USP8: variants seen among roughly 807,000 people sequenced by gnomAD.
The protein encoded by USP8 is ubiquitin specific peptidase 8.
In USP8, 27 loss-of-function variants were observed where a neutral mutation model predicts 130.0. The ratio of observed to expected loss-of-function variants is 0.21; its 90% CI spans 0.15 to 0.29. USP8 has a LOEUF of 0.29. Among genes scored for constraint, USP8 ranks in the 10% least tolerant of loss-of-function variants. USP8 has a pLI of 1.00. For missense variants in USP8, 1,029 were observed against 1,312.2 expected (o/e 0.78, Z 3.33); for synonymous variants, 392 against 444.1 (o/e 0.88, Z 1.48).
intron 16 of USP8, 127 bp downstream of exon 16, chr15:50,494,407 A>G (rs1211724890): frequency 2.7e-6 from 2 of 735,074 alleles, no homozygotes; most frequent in Non-Finnish European, 4.2e-6. Flanking sequence ...TAGTGACTGT[A>G]TAAGAGAATT....
At chr15:50,489,334 A>G (rs1028438545) in intron 12 of USP8, among the ~76,000 whole-genome samples, 2 of 152,176 alleles carry the variant, frequency 1.3e-5, no homozygotes, top group Non-Finnish European at 1.5e-5. Context: ...TCTATTCTCT[A>G]CTTACACCTC....
chr15:50,460,729 C>T (rs749633318), intron 5 of USP8, among the ~76,000 whole-genome samples: 6 of 152,184 alleles, frequency 3.9e-5, no homozygotes, highest in Admixed American at 2.6e-4. Flanking sequence ...ACCTCCCTTC[C>T]TTTACCTCCT....
intron 7 of USP8, among the ~76,000 whole-genome samples, chr15:50,470,700 T>G (rs2051346329): frequency 6.6e-6 from 1 of 151,752 alleles, no homozygotes; most frequent in South Asian, 2.1e-4. Flanking sequence ...CCTCCCAGGT[T>G]CAAGCAATTC....
chr15:50,495,341 CATACATAT>C (rs1383474127), intron 16 of USP8, among the ~76,000 whole-genome samples: 95 of 85,544 alleles, frequency 1.1e-3, no homozygotes, highest in African/African-American at 4.9e-3. Flanking sequence ...TATATATACA[CATACATAT>C]ATACATATAT....
intron 1 of USP8, among the ~76,000 whole-genome samples, chr15:50,433,904 T>C (rs552737775): frequency 3.3e-5 from 5 of 152,352 alleles, no homozygotes; most frequent in African/African-American, 1.2e-4. Context: ...TGTGCACGGC[T>C]GCATTTTCTC....
At chr15:50,466,429 T>C (rs1290848689) in intron 7 of USP8, among the ~76,000 whole-genome samples, 2 of 151,922 alleles carry the variant, frequency 1.3e-5, no homozygotes, top group African/African-American at 4.8e-5. Flanking sequence ...TGAAACCCCA[T>C]CTTTACTAAA....
At chr15:50,496,624 G>A (rs2052422430) in intron 17 of USP8, among the ~76,000 whole-genome samples, 1 of 151,828 alleles carries the variant, frequency 6.6e-6, no homozygotes, top group South Asian at 2.1e-4. Flanking sequence ...TTTCAGGATT[G>A]TTAGTATGTT....
chr15:50,438,825 GA>G (rs1167512929), intron 1 of USP8, among the ~76,000 whole-genome samples, 183 bp from the exon 2 acceptor site: 3 of 151,820 alleles, frequency 2.0e-5, no homozygotes, highest in African/African-American at 7.3e-5. Context: ...ATGAAAATTT[GA>G]AAAAAATTAT....
intron 7 of USP8, among the ~76,000 whole-genome samples, chr15:50,471,070 C>G (rs941522193): frequency 6.6e-6 from 1 of 152,176 alleles, no homozygotes; most frequent in African/African-American, 2.4e-5. Context: ...GTCACTTAAT[C>G]TGTTCGTGCC....
At chr15:50,438,196 A>G (rs950519269) in intron 1 of USP8, among the ~76,000 whole-genome samples, 8 of 152,230 alleles carry the variant, frequency 5.3e-5, no homozygotes, top group African/African-American at 1.9e-4. Flanking sequence ...CCCCTGCTCC[A>G]AGTTGTACTT....
intron 8 of USP8, among the ~76,000 whole-genome samples, chr15:50,472,854 C>T (rs1213755833): frequency 6.6e-6 from 1 of 151,778 alleles, no homozygotes; most frequent in East Asian, 1.9e-4. Flanking sequence ...AGGTTGCGGT[C>T]AGCCAAGATC....
chr15:50,440,048 C>T (rs2050205656), intron 2 of USP8, among the ~76,000 whole-genome samples: 1 of 152,000 alleles, frequency 6.6e-6, no homozygotes, highest in South Asian at 2.1e-4. Context: ...CCGTTGCACT[C>T]CAGCCTGGGT....
chr15:50,428,753 C>G (rs1242538922), intron 1 of USP8, among the ~76,000 whole-genome samples: 2 of 152,148 alleles, frequency 1.3e-5, no homozygotes, highest in African/African-American at 4.8e-5. Flanking sequence ...TACCATAGAT[C>G]TTAGCAACCT....
chr15:50,425,819 A>G lies in USP8; in HGVS notation c.-66+1305A>G, dbSNP rs532566471. Among the ~76,000 whole-genome samples, 6 of 152,146 alleles carry G rather than the reference A, an allele frequency of 3.9e-5. No homozygotes were observed. The South Asian group carries it at 6.2e-4, about 16-fold the overall frequency. ...TACTTGGACTTTAATCTTTATGGGCATTTGTTTATTAATGTGGACGTGGCT... is the reference window on the plus strand; with the variant it reads ...TACTTGGACTTTAATCTTTATGGGCGTTTGTTTATTAATGTGGACGTGGCT... On this transcript the variant is annotated intron_variant, in intron 1 of 19. Transcript: ENST00000307179.
Position 50,500,358 on chromosome 15 carries a change from GAT to G in USP8, c.*1273_*1274del, listed in dbSNP as rs2052561263. On this transcript the variant is annotated 3_prime_UTR_variant, in exon 20 of 20. Coordinates refer to ENST00000307179, the MANE Select transcript of USP8 (RefSeq NM_005154.5). ...ATTTGTTGAATATATATGATTATGAGATATTTTCTGATAAACACTGAATTTTG... is the reference window on the plus strand; with the variant it reads ...ATTTGTTGAATATATATGATTATGAGATTTTCTGATAAACACTGAATTTTG... 1 of 158,232 alleles carries G rather than the reference GAT, an allele frequency of 6.3e-6. No homozygotes were observed. The highest frequency in any genetic ancestry group is 1.4e-5 in the Non-Finnish European group (1 of 71,446). The allele number at this position is 158,232 out of a possible 1,614,324, so 9.8% of individuals were successfully genotyped here.
At chr15:50,477,989 C>T (rs2141299868) in intron 10 of USP8, among the ~76,000 whole-genome samples, 1 of 152,276 alleles carries the variant, frequency 6.6e-6, no homozygotes, top group East Asian at 1.9e-4. Context: ...AGCATTACCG[C>T]CACGCCTATA....
chr15:50,498,732 A>C lies in USP8; in HGVS notation c.3171+4A>C. 6.2e-7 allele frequency: 1 copy of C among 1,604,048 alleles called. No homozygotes were observed. The highest frequency in any genetic ancestry group is 8.5e-7 in the Non-Finnish European group (1 of 1,174,776). The stretch of plus-strand genomic sequence containing the variant: ...ATATAATTTGTTTTCTGTTTCAGTA[A>C]GTATCTCTTTGAACTGAAGACTTTT... On this transcript the variant is annotated splice_donor_region_variant and intron_variant, in intron 19 of 19. Coordinates refer to ENST00000307179, the MANE Select transcript of USP8 (RefSeq NM_005154.5).
intron 4 of USP8, among the ~76,000 whole-genome samples, chr15:50,455,665 TTTGTTG>T (rs964102696): frequency 2.0e-5 from 3 of 151,922 alleles, no homozygotes; most frequent in African/African-American, 4.8e-5. Flanking sequence ...TCTGAATAGT[TTTGTTG>T]TTGTTGTTGT....
chr15:50,446,619 A>C (rs1032135594), intron 3 of USP8, among the ~76,000 whole-genome samples: 1 of 152,228 alleles, frequency 6.6e-6, no homozygotes, highest in Non-Finnish European at 1.5e-5. Context: ...AAATTATTGT[A>C]ATGTTCAATT....
Sources: gnomAD v4.1 joint callset for allele counts (sites outside exome capture counted in the v4.1 genomes callset) on GRCh38, gnomAD v4.1.1 for gene constraint, MANE v1.5 for transcripts, NCBI Gene and HGNC (gene_info 2026-07-23, HGNC 2026-07-21) for gene names.